The following RNF144A variants were observed in gnomAD, a reference collection of about 807,000 sequenced individuals.
RNF144A encodes the protein ring finger protein 144A, also known as E3 ubiquitin-protein ligase RNF144A.
In RNF144A, 11 loss-of-function variants were observed where a neutral mutation model predicts 38.7. That is an observed-to-expected ratio of 0.28 (90% confidence interval 0.18 to 0.47). The LOEUF (loss-of-function observed/expected upper bound fraction) is 0.47, where lower values mean the gene tolerates loss of function less well. Ranked by LOEUF, RNF144A falls within the 20% of genes least tolerant of loss-of-function variation. RNF144A has a pLI of 0.99. For synonymous variants in RNF144A, 149 were observed against 143.9 expected, an observed-to-expected ratio of 1.04 and a Z score of -0.25; for missense variants, 316 against 377.2, an observed-to-expected ratio of 0.84 and a Z score of 1.34.
At chr2:7,027,154 T>C (rs1369720846) in intron 7 of RNF144A, among the ~76,000 whole-genome samples, 1 of 152,160 alleles carries the variant, frequency 6.6e-6, no homozygotes, top group African/African-American at 2.4e-5. Flanking sequence ...CCAGGAGTTA[T>C]GAATATTTCA....
At chr2:6,977,181 G>A (rs1036693179) in intron 2 of RNF144A, among the ~76,000 whole-genome samples, 8 of 152,216 alleles carry the variant, frequency 5.3e-5, no homozygotes, top group African/African-American at 1.9e-4. Context: ...TAAATGTTCA[G>A]TTGATTTTAT....
At chr2:6,952,527 A>AT (rs1392892575) in intron 2 of RNF144A, among the ~76,000 whole-genome samples, 1 of 150,914 alleles carries the variant, frequency 6.6e-6, no homozygotes, top group South Asian at 2.1e-4. Flanking sequence ...TTTCTAATCA[A>AT]TTTTTTTCAA....
chr2:6,987,391 A>G (rs1669027739), intron 2 of RNF144A, among the ~76,000 whole-genome samples: 1 of 152,066 alleles, frequency 6.6e-6, no homozygotes, highest in African/African-American at 2.4e-5. Flanking sequence ...TCTCCCTGTC[A>G]GATCACAATT....
intron 6 of RNF144A, among the ~76,000 whole-genome samples, chr2:7,064,211 G>A (rs906464672): frequency 2.0e-5 from 3 of 152,144 alleles, no homozygotes; most frequent in African/African-American, 7.2e-5. Context: ...TAGGTTTCCT[G>A]TGCATGAACT....
At chr2:7,066,588 C>T (rs540964653) in intron 6 of RNF144A, among the ~76,000 whole-genome samples, 3 of 152,256 alleles carry the variant, frequency 2.0e-5, no homozygotes, top group Non-Finnish European at 4.4e-5. Flanking sequence ...TGTAACAGTA[C>T]ACAATTGAAA....
intron 1 of RNF144A, among the ~76,000 whole-genome samples, chr2:6,934,571 T>G (rs999980055): frequency 3.3e-5 from 5 of 152,258 alleles, no homozygotes; most frequent in African/African-American, 1.2e-4. Flanking sequence ...CATATTTCAG[T>G]TATTTTTTTC....
At chr2:6,986,960 A>T (rs921947263) in intron 2 of RNF144A, among the ~76,000 whole-genome samples, 3 of 152,212 alleles carry the variant, frequency 2.0e-5, no homozygotes, top group African/African-American at 7.2e-5. Context: ...TGGTAGCCGA[A>T]GTGTAATGTT....
At chr2:7,029,300 G>T (rs1202757570) in intron 7 of RNF144A, among the ~76,000 whole-genome samples, 2 of 152,228 alleles carry the variant, frequency 1.3e-5, no homozygotes, top group Non-Finnish European at 2.9e-5. Flanking sequence ...GGCATAGAGG[G>T]CTCGGTATAG....
chr2:7,024,269 T>A lies in RNF144A; in HGVS notation c.510-100T>A, dbSNP rs1422720343. On this transcript the variant is annotated intron_variant, in intron 6 of 8. Coordinates refer to ENST00000320892, the MANE Select transcript of RNF144A (RefSeq NM_014746.6). ...TTTTTTCATTTAATACCAAGAAAAC[T>A]CAGTCTGTGAAGTGGAGCCGATGCT... 2.8e-6 allele frequency: 3 copies of A among 1,058,674 alleles called. No homozygotes were observed. In the East Asian group the frequency reaches 8.0e-5, roughly 28 times the overall value. 65.6% of individuals were successfully genotyped at this position (1,058,674 alleles called of 1,614,324 possible).
At chr2:7,075,762 C>T in the RNF144A span, among the ~76,000 whole-genome samples, 467 of 152,270 alleles carry the variant, frequency 3.1e-3, 8 homozygotes, top group African/African-American at 0.011. Context: ...TGGATTAAGA[C>T]ATTCAGCCTT....
At chr2:7,058,949 G>A (rs374778298) in intron 6 of RNF144A, among the ~76,000 whole-genome samples, 1 of 152,116 alleles carries the variant, frequency 6.6e-6, no homozygotes, top group African/African-American at 2.4e-5. Flanking sequence ...TAGTTACCTG[G>A]ATGTATGTAT....
intron 2 of RNF144A, among the ~76,000 whole-genome samples, chr2:6,979,706 G>T (rs1315969256): frequency 1.3e-5 from 2 of 152,190 alleles, no homozygotes; most frequent in African/African-American, 4.8e-5. Context: ...GGGTTCATAA[G>T]TTGAGAGACT....
At chr2:7,072,037 T>C (rs894592109), downstream of RNF144A, among the ~76,000 whole-genome samples, 1 of 152,210 alleles carries the variant, frequency 6.6e-6, no homozygotes, top group Non-Finnish European at 1.5e-5. Context: ...TCCTACTGAC[T>C]TTTTTGTCAT....
chr2:7,022,055 T>TCCGAGGCTGCCTCC (rs1477195171), intron 6 of RNF144A, among the ~76,000 whole-genome samples: 6 of 152,252 alleles, frequency 3.9e-5, no homozygotes, highest in Non-Finnish European at 5.9e-5. Flanking sequence ...CCTAAGCCTC[T>TCCGAGGCTGCCTCC]CCGAGGCTGC....
At chr2:7,004,578 T>A (rs980293540) in intron 3 of RNF144A, among the ~76,000 whole-genome samples, 2 of 152,228 alleles carry the variant, frequency 1.3e-5, no homozygotes, top group Non-Finnish European at 2.9e-5. Context: ...TTGAAACTTA[T>A]CCTGTACAGG....
intron 6 of RNF144A, among the ~76,000 whole-genome samples, chr2:7,065,818 T>A (rs1674189436): frequency 6.6e-6 from 1 of 152,242 alleles, no homozygotes; most frequent in African/African-American, 2.4e-5. Context: ...AAGATATTCA[T>A]GGAAAAGACT....
At chr2:7,031,274 T>C (rs1468017743) in intron 8 of RNF144A, among the ~76,000 whole-genome samples, 1 of 152,232 alleles carries the variant, frequency 6.6e-6, no homozygotes, top group Non-Finnish European at 1.5e-5. Flanking sequence ...CACATATTTA[T>C]AGCCTACCGT....
In RNF144A at chr2:7,013,677, A is replaced by G. The variant is rs577386836; in HGVS notation, c.136-777A>G. 2.8e-3 allele frequency among the ~76,000 whole-genome samples: 434 copies of G among 152,320 alleles called. 1 individual carries two copies. The highest frequency in any genetic ancestry group is 0.01 in the African/African-American group (416 of 41,576). ...GTTTCTTCTCATTGCTGTTTATAATATGCTTTTCAGGGAAACACTAGATTT... is the reference window on the plus strand; with the variant it reads ...GTTTCTTCTCATTGCTGTTTATAATGTGCTTTTCAGGGAAACACTAGATTT... On this transcript the variant is annotated intron_variant, in intron 3 of 8. Transcript: ENST00000320892.
chr2:6,998,228 C>T (rs564272501), intron 3 of RNF144A, among the ~76,000 whole-genome samples: 6 of 151,454 alleles, frequency 4.0e-5, no homozygotes, highest in East Asian at 3.9e-4. Flanking sequence ...ATGGTGTAGA[C>T]GGCTTCCCTG....
Sources: gnomAD v4.1 joint callset for allele counts (sites outside exome capture counted in the v4.1 genomes callset) on GRCh38, gnomAD v4.1.1 for gene constraint, MANE v1.5 for transcripts, NCBI Gene and HGNC (gene_info 2026-07-23, HGNC 2026-07-21) for gene names.